The following CTNNA3 variants were observed in gnomAD, a reference collection of about 807,000 sequenced individuals.
The protein encoded by CTNNA3 is catenin alpha-3.
A neutral mutation model predicts 95.7 loss-of-function variants in CTNNA3; 76 were observed. The ratio of observed to expected loss-of-function variants is 0.79; its 90% CI spans 0.66 to 0.96. The LOEUF is 0.96. Ranked by LOEUF, CTNNA3 falls within the 40% of genes least tolerant of loss-of-function variation. CTNNA3 has a pLI of 0.00. For missense variants in CTNNA3, 1,191 were observed against 1,089.8 expected (o/e 1.09, Z -1.31); for synonymous variants, 431 against 374.4 (o/e 1.15, Z -1.74).
At chr10:66,339,459 TTTC>T (rs2092430519) in intron 12 of CTNNA3, among the ~76,000 whole-genome samples, 1 of 151,774 alleles carries the variant, frequency 6.6e-6, no homozygotes. Flanking sequence ...AATTATGAAA[TTTC>T]TTCTTTGAGA....
intron 13 of CTNNA3, among the ~76,000 whole-genome samples, chr10:66,149,124 A>G (rs2084051331): frequency 6.7e-6 from 1 of 149,638 alleles, no homozygotes; most frequent in East Asian, 1.9e-4. Context: ...TCTAAATATG[A>G]ATAAATGCAT....
intron 5 of CTNNA3, among the ~76,000 whole-genome samples, chr10:67,517,226 G>A (rs950830906): frequency 4.6e-5 from 7 of 151,994 alleles, no homozygotes; most frequent in African/African-American, 1.7e-4. Context: ...AATGTGCAAA[G>A]GTTTCCTTTT....
At chr10:66,594,729 T>C (rs1394986290) in intron 10 of CTNNA3, among the ~76,000 whole-genome samples, 1 of 152,134 alleles carries the variant, frequency 6.6e-6, no homozygotes, top group African/African-American at 2.4e-5. Flanking sequence ...TTTCCTGATA[T>C]GGTAGCATGT....
intron 7 of CTNNA3, among the ~76,000 whole-genome samples, chr10:67,138,759 G>T (rs2394333): frequency 0.64 from 97,967 of 152,020 alleles, 32,711 homozygotes; most frequent in African/African-American, 0.83. Context: ...AAAAAATAGT[G>T]GCCTTATTGT....
intron 11 of CTNNA3, among the ~76,000 whole-genome samples, chr10:66,432,569 G>A (rs2093306022): frequency 6.6e-6 from 1 of 151,482 alleles, no homozygotes; most frequent in Non-Finnish European, 1.5e-5. Context: ...GCTGAGGAAG[G>A]AGAATGGCAT....
chr10:66,856,668 AG>A (rs1843695907), intron 7 of CTNNA3, among the ~76,000 whole-genome samples: 1 of 152,038 alleles, frequency 6.6e-6, no homozygotes, highest in Admixed American at 6.6e-5. Context: ...AATAATGTCG[AG>A]CATTTCTTCA....
intron 3 of CTNNA3, among the ~76,000 whole-genome samples, chr10:67,581,948 T>C (rs1395690828): frequency 6.6e-6 from 1 of 152,188 alleles, no homozygotes; most frequent in Non-Finnish European, 1.5e-5. Context: ...TTCTTCTCTC[T>C]TTTCTTCTTT....
intron 13 of CTNNA3, among the ~76,000 whole-genome samples, chr10:66,135,996 T>G (rs4256881): frequency 0.83 from 125,655 of 151,474 alleles, 52,287 homozygotes; most frequent in South Asian, 0.92. Flanking sequence ...CCACCTCCTG[T>G]GTTCATGCCA....
chr10:66,634,250 C>T (rs55691787), intron 9 of CTNNA3, among the ~76,000 whole-genome samples: 2,331 of 152,050 alleles, frequency 0.015, 42 homozygotes, highest in South Asian at 0.058. Flanking sequence ...ACACTTATTG[C>T]GAAGCCTGAA....
At chr10:66,458,348 T>A (rs1477100422) in intron 11 of CTNNA3, among the ~76,000 whole-genome samples, 1 of 152,206 alleles carries the variant, frequency 6.6e-6, no homozygotes, top group Non-Finnish European at 1.5e-5. Flanking sequence ...ATTCTAGATT[T>A]GTATTTCATT....
At chr10:66,784,216 G>A (rs2132855325) in intron 7 of CTNNA3, among the ~76,000 whole-genome samples, 1 of 152,202 alleles carries the variant, frequency 6.6e-6, no homozygotes, top group East Asian at 1.9e-4. Context: ...ATAACGTGAA[G>A]AGTTTCATAT....
intron 1 of CTNNA3, among the ~76,000 whole-genome samples, chr10:67,710,485 G>C (rs557020294): frequency 6.6e-6 from 1 of 152,162 alleles, no homozygotes; most frequent in South Asian, 2.1e-4. Context: ...AGCCAAAAAG[G>C]GGAGAACGTC....
chr10:66,508,211 T>TTTTTTTTTTGTTTTTTTTTTTTTG (rs1840527764), intron 11 of CTNNA3, among the ~76,000 whole-genome samples: 2 of 91,178 alleles, frequency 2.2e-5, no homozygotes, highest in Non-Finnish European at 4.1e-5. Context: ...TTGTTTTCTG[T>TTTTTTTTTTGTTTTTTTTTTTTTG]TTTTTTTTTT....
In CTNNA3 at chr10:67,387,807, C is replaced by T. The variant is rs1267623166; in HGVS notation, c.579+134035G>A. ...ACCCTCCAGCAGGAGCACACTGACACCTCACATGGCAGGGTATTCCAACAG... is the reference window on the plus strand; with the variant it reads ...ACCCTCCAGCAGGAGCACACTGACATCTCACATGGCAGGGTATTCCAACAG... On this transcript the variant is annotated intron_variant, in intron 5 of 17. Coordinates refer to ENST00000433211, the MANE Select transcript of CTNNA3 (RefSeq NM_013266.4). 2.6e-5 allele frequency among the ~76,000 whole-genome samples: 4 copies of T among 152,336 alleles called. No individual in the cohort carries two copies. In the East Asian group the frequency reaches 5.8e-4, roughly 22 times the overall value.
intron 7 of CTNNA3, among the ~76,000 whole-genome samples, chr10:67,133,324 T>TATATATA (rs1554928657): frequency 2.2e-5 from 2 of 90,988 alleles, no homozygotes; most frequent in East Asian, 5.4e-4. Context: ...TATATATATA[T>TATATATA]TTATACACAC....
chr10:66,746,091 G>GA (rs1368754366), intron 9 of CTNNA3, among the ~76,000 whole-genome samples: 4 of 151,952 alleles, frequency 2.6e-5, no homozygotes, highest in Admixed American at 6.6e-5. Context: ...TTTGCCAAAT[G>GA]AAAAAGAAAT....
chr10:67,548,229 TC>T (rs984409747), intron 3 of CTNNA3, among the ~76,000 whole-genome samples: 1 of 152,084 alleles, frequency 6.6e-6, no homozygotes, highest in Admixed American at 6.5e-5. Flanking sequence ...CAATGCTAGC[TC>T]CCCCTTTGCC....
At chr10:66,314,053 A>G (rs929945798) in intron 12 of CTNNA3, among the ~76,000 whole-genome samples, 3 of 152,166 alleles carry the variant, frequency 2.0e-5, no homozygotes, top group African/African-American at 7.2e-5. Flanking sequence ...AAATATACTC[A>G]TACATACATA....
chr10:66,557,942 A>G lies in CTNNA3; in HGVS notation c.1375-37169T>C, dbSNP rs1842441262. ...CTTGTAGAAATAGTCATTAGATATAACAGTTCACTAGTAATTGAGTCTGTG... is the reference window on the plus strand; with the variant it reads ...CTTGTAGAAATAGTCATTAGATATAGCAGTTCACTAGTAATTGAGTCTGTG... On this transcript the variant is annotated intron_variant, in intron 10 of 17. Transcript: ENST00000433211. 2.6e-5 allele frequency among the ~76,000 whole-genome samples: 4 copies of G among 152,228 alleles called. No individual in the cohort carries two copies. The South Asian group carries it at 6.2e-4, about 24-fold the overall frequency.
Sources: gnomAD v4.1 joint callset for allele counts (sites outside exome capture counted in the v4.1 genomes callset) on GRCh38, gnomAD v4.1.1 for gene constraint, MANE v1.5 for transcripts, NCBI Gene and HGNC (gene_info 2026-07-23, HGNC 2026-07-21) for gene names.